Variants in ACOXL observed in about 807,000 individuals in gnomAD.
ACOXL encodes acyl-coenzyme A oxidase-like protein.
ACOXL carries 70 observed loss-of-function variants against 71.9 expected under a neutral mutation model. The ratio of observed to expected loss-of-function variants is 0.97; its 90% CI spans 0.80 to 1.19. The LOEUF is 1.19. Ranked by LOEUF, ACOXL falls within the 50% of genes most tolerant of loss-of-function variation. The pLI is 0.00. For synonymous variants in ACOXL, 253 were observed against 281.6 expected, an observed-to-expected ratio of 0.90 and a Z score of 1.02; for missense variants, 703 against 736.3, an observed-to-expected ratio of 0.95 and a Z score of 0.52.
intron 16 of ACOXL, among the ~76,000 whole-genome samples, chr2:111,050,649 A>T (rs2066245853): frequency 6.6e-6 from 1 of 151,422 alleles, no homozygotes; most frequent in Non-Finnish European, 1.5e-5. Context: ...ATCTCTCCCC[A>T]TTTGCAGGAG....
At chr2:110,971,230 G>A (rs1387713624) in intron 12 of ACOXL, among the ~76,000 whole-genome samples, 1 of 152,202 alleles carries the variant, frequency 6.6e-6, no homozygotes, top group East Asian at 1.9e-4. Context: ...GTACATCATT[G>A]TAGCCATTAT....
chr2:110,908,276 T>A (rs2059530709), intron 10 of ACOXL, among the ~76,000 whole-genome samples: 1 of 152,196 alleles, frequency 6.6e-6, no homozygotes, highest in African/African-American at 2.4e-5. Flanking sequence ...TAAGGTGGGA[T>A]ATGGAGAACA....
rs755389187 is a variant in ACOXL, at chr2:110,943,010, GAA to G, written c.1059+9370_1059+9371del. On this transcript the variant is annotated intron_variant, in intron 12 of 17. Coordinates refer to ENST00000439055, the MANE Select transcript of ACOXL (RefSeq NM_001142807.4). ...GGGAGGGAGGGAGGAAGGAAGGAAA[GAA>G]AGAGAAAGGAAGGAAGAAGGAAGGA... Among the ~76,000 whole-genome samples, 230 of 137,340 alleles carry G rather than the reference GAA, an allele frequency of 1.7e-3. 1 individual carries two copies. The highest frequency in any genetic ancestry group is 0.011 in the Middle Eastern group (3 of 268). 90.1% of individuals were successfully genotyped at this position (137,340 alleles called of 152,430 possible). A position where few individuals can be genotyped will look rare whatever the true frequency, so the allele number is the denominator to read the frequency against.
In ACOXL at chr2:110,908,886, G is replaced by T. The variant is rs2059553877; in HGVS notation, c.886G>T (p.Ala296Ser). The T allele has an allele frequency of 1.2e-6, 2 of 1,613,712 alleles. No homozygotes were observed. The highest frequency in any genetic ancestry group is 8.5e-7 in the Non-Finnish European group (1 of 1,179,788). Residue 296 changes from alanine to serine, a missense_variant, in exon 11 of 18, where the codon GCC (alanine) becomes TCC (serine). By Grantham distance (99) the Ala-to-Ser change is moderately conservative. Coordinates refer to ENST00000439055, the MANE Select transcript of ACOXL (RefSeq NM_001142807.4). ...RLMPHLATAL[A>S]LTFVSRYAGA... ...GATGCCCCACCTGGCCACAGCCTTG[G>T]CCCTGACCTTCGTCAGCAGGTGAGA...
In ACOXL at chr2:110,965,522, C is replaced by T. The variant is rs991046439; in HGVS notation, c.1060-21586C>T. Among the ~76,000 whole-genome samples the T allele has an allele frequency of 2.0e-4, 30 of 152,240 alleles. No homozygotes were observed. The South Asian group carries it at 2.3e-3, about 12-fold the overall frequency. On this transcript the variant is annotated intron_variant, in intron 12 of 17. Coordinates refer to ENST00000439055, the MANE Select transcript of ACOXL (RefSeq NM_001142807.4). Reference sequence around the variant, plus strand: ...ATTTGCATATGGAAGCACATCAAAGCATAGATAAGGTGATGTGTTGTGCTA... The same window carrying T: ...ATTTGCATATGGAAGCACATCAAAGTATAGATAAGGTGATGTGTTGTGCTA...
At chr2:110,944,115 T>G (rs951978165) in intron 12 of ACOXL, among the ~76,000 whole-genome samples, 2 of 152,146 alleles carry the variant, frequency 1.3e-5, no homozygotes, top group African/African-American at 4.8e-5. Flanking sequence ...TGGAGTGCAG[T>G]GGCATGATCT....
intron 17 of ACOXL, among the ~76,000 whole-genome samples, chr2:111,097,513 A>G (rs1473363280): frequency 6.6e-6 from 1 of 152,220 alleles, no homozygotes; most frequent in African/African-American, 2.4e-5. Context: ...ACCGTCCTCC[A>G]ATAAAAGGAA....
intron 14 of ACOXL, among the ~76,000 whole-genome samples, chr2:111,011,432 A>C (rs1045736565): frequency 2.6e-5 from 4 of 152,206 alleles, no homozygotes; most frequent in African/African-American, 9.7e-5. Flanking sequence ...CCAATATTCT[A>C]ATTAAAAGGC....
chr2:110,889,938 G>A (rs1697750898), intron 10 of ACOXL, among the ~76,000 whole-genome samples: 1 of 152,116 alleles, frequency 6.6e-6, no homozygotes, highest in Non-Finnish European at 1.5e-5. Context: ...CAAGCAGTAT[G>A]TATTTCAATT....
intron 14 of ACOXL, among the ~76,000 whole-genome samples, chr2:111,011,809 A>T (rs1016123301): frequency 3.3e-5 from 5 of 149,614 alleles, no homozygotes; most frequent in Non-Finnish European, 4.4e-5. Context: ...ACTTGAGTCC[A>T]GTAGGTGGAG....
chr2:110,839,746 A>G (rs545533873), intron 9 of ACOXL, among the ~76,000 whole-genome samples: 1 of 151,910 alleles, frequency 6.6e-6, no homozygotes, highest in Non-Finnish European at 1.5e-5. Flanking sequence ...GGACTTTTTA[A>G]TTTCAACCAT....
At chr2:111,116,967 C>G (rs1300866110) in intron 17 of ACOXL, among the ~76,000 whole-genome samples, 2 of 152,236 alleles carry the variant, frequency 1.3e-5, no homozygotes, top group Admixed American at 1.3e-4. Context: ...CCAAGGGCAT[C>G]CGCGGCGTTC....
At chr2:111,091,247 T>C (rs1384560927) in intron 16 of ACOXL, among the ~76,000 whole-genome samples, 1 of 152,182 alleles carries the variant, frequency 6.6e-6, no homozygotes, top group Non-Finnish European at 1.5e-5. Flanking sequence ...GCACTATCTC[T>C]TAGGGGTCTC....
At chr2:111,108,286 T>C (rs1411103701) in intron 17 of ACOXL, among the ~76,000 whole-genome samples, 1 of 151,348 alleles carries the variant, frequency 6.6e-6, no homozygotes. Context: ...CTCATGTTGG[T>C]TCCCCCCAAA....
chr2:110,987,460 T>TTACA (rs1451760926), intron 13 of ACOXL, among the ~76,000 whole-genome samples: 1 of 152,184 alleles, frequency 6.6e-6, no homozygotes, highest in African/African-American at 2.4e-5. Flanking sequence ...TCCAAGCAGT[T>TTACA]TACAGATTTT....
At chr2:111,078,793 T>A (rs2067740896) in intron 16 of ACOXL, among the ~76,000 whole-genome samples, 1 of 152,246 alleles carries the variant, frequency 6.6e-6, no homozygotes, top group Non-Finnish European at 1.5e-5. Context: ...CTAGACCTTT[T>A]GAATATTATG....
chr2:110,840,649 C>G (rs1468372175), intron 9 of ACOXL, among the ~76,000 whole-genome samples: 2 of 152,142 alleles, frequency 1.3e-5, no homozygotes, highest in Non-Finnish European at 2.9e-5. Flanking sequence ...TATGATTTGA[C>G]CCCCACTTAT....
intron 9 of ACOXL, among the ~76,000 whole-genome samples, chr2:110,809,018 C>T (rs140295612): frequency 6.6e-6 from 1 of 152,318 alleles, no homozygotes; most frequent in East Asian, 1.9e-4. Context: ...TCCAAAGCCC[C>T]TGGCTTATCT....
chr2:110,806,916 G>A (rs960850544), intron 9 of ACOXL, among the ~76,000 whole-genome samples: 1 of 152,194 alleles, frequency 6.6e-6, no homozygotes, highest in Non-Finnish European at 1.5e-5. Context: ...AGGCAGAGGT[G>A]GGAGCCTTCC....
Sources: gnomAD v4.1 joint callset for allele counts (sites outside exome capture counted in the v4.1 genomes callset) on GRCh38, gnomAD v4.1.1 for gene constraint, MANE v1.5 for transcripts, NCBI Gene and HGNC (gene_info 2026-07-23, HGNC 2026-07-21) for gene names.